Variants in ASTN2 observed in about 807,000 individuals in gnomAD.
The protein encoded by ASTN2 is astrotactin-2.
A neutral mutation model predicts 139.8 loss-of-function variants in ASTN2; 54 were observed. The observed-to-expected ratio is 0.39, with a 90% CI of 0.31 to 0.48. The LOEUF (loss-of-function observed/expected upper bound fraction) is 0.48, where lower values mean the gene tolerates loss of function less well. Among genes scored for constraint, ASTN2 ranks in the 20% least tolerant of loss-of-function variants. The pLI, the probability that ASTN2 is intolerant of heterozygous loss-of-function variation, is 0.95. For missense variants in ASTN2, 1,565 were observed against 1,725.1 expected (o/e 0.91, Z 1.64); for synonymous variants, 756 against 719.5 (o/e 1.05, Z -0.81).
rs35946741 is a variant in ASTN2, at chr9:116,649,572, C to CAA, written c.3072+1954_3072+1955dup. On this transcript the variant is annotated intron_variant, in intron 17 of 22. Transcript: ENST00000313400. ...CTGGGCAACAAGAACAAAACTGTCTCAAAAAAAAAAAAAAAAATCTTTAGG... is the reference window on the plus strand; with the variant it reads ...CTGGGCAACAAGAACAAAACTGTCTCAAAAAAAAAAAAAAAAAAATCTTTAGG... Among the ~76,000 whole-genome samples the CAA allele has an allele frequency of 3.9e-3, 535 of 137,566 alleles. 4 individuals carry two copies. The highest frequency in any genetic ancestry group is 0.019 in the East Asian group (89 of 4,642). The allele number at this position is 137,566 out of a possible 152,430, so 90.2% of individuals were successfully genotyped here. A position where few individuals can be genotyped will look rare whatever the true frequency, so the allele number is the denominator to read the frequency against.
At chr9:116,533,149 T>C (rs1256391768) in intron 19 of ASTN2, among the ~76,000 whole-genome samples, 1 of 152,234 alleles carries the variant, frequency 6.6e-6, no homozygotes, top group Non-Finnish European at 1.5e-5. Flanking sequence ...ACTTATGATT[T>C]GGCTCTCTGT....
intron 22 of ASTN2, chr9:116,437,715 T>C: frequency 2.5e-6 from 1 of 402,284 alleles, no homozygotes; most frequent in East Asian, 7.2e-5. Flanking sequence ...GCAGCTGAGA[T>C]GACTCACACA....
intron 19 of ASTN2, chr9:116,584,010 C>T (rs1178416329): frequency 6.6e-6 from 1 of 152,152 alleles, no homozygotes; most frequent in Non-Finnish European, 1.5e-5. Context: ...AAATTCAACC[C>T]ACCCAAATCT....
chr9:116,787,796 A>G (rs1434897934), intron 13 of ASTN2, among the ~76,000 whole-genome samples: 1 of 152,152 alleles, frequency 6.6e-6, no homozygotes, highest in Non-Finnish European at 1.5e-5. Context: ...GTATCAGAAA[A>G]AGGACATCAG....
intron 4 of ASTN2, among the ~76,000 whole-genome samples, chr9:117,114,994 G>T (rs1231170773): frequency 6.6e-6 from 1 of 152,096 alleles, no homozygotes; most frequent in Non-Finnish European, 1.5e-5. Flanking sequence ...AGCCCCACCT[G>T]GTGTTTGGCT....
intron 2 of ASTN2, among the ~76,000 whole-genome samples, chr9:117,246,430 A>G (rs1024833451): frequency 2.0e-5 from 3 of 152,192 alleles, no homozygotes; most frequent in Non-Finnish European, 2.9e-5. Context: ...AGGAGAAGCC[A>G]TGCAACTCCG....
At chr9:116,789,251 G>C (rs1373570822) in intron 13 of ASTN2, among the ~76,000 whole-genome samples, 2 of 152,124 alleles carry the variant, frequency 1.3e-5, no homozygotes, top group East Asian at 3.9e-4. Flanking sequence ...AGGTCACTGG[G>C]AACTCAGTAA....
At chr9:116,935,217 G>T (rs1835034471) in intron 10 of ASTN2, among the ~76,000 whole-genome samples, 1 of 152,188 alleles carries the variant, frequency 6.6e-6, no homozygotes, top group South Asian at 2.1e-4. Flanking sequence ...TCCATCTCAT[G>T]GTTCAATACA....
chr9:116,730,749 G>A (rs1325601008), intron 14 of ASTN2, among the ~76,000 whole-genome samples: 1 of 152,184 alleles, frequency 6.6e-6, no homozygotes, highest in Non-Finnish European at 1.5e-5. Flanking sequence ...CTGTTGAGAG[G>A]CAGCTCTTTC....
Position 116,780,831 on chromosome 9 carries a change from G to GAATGTCAAA in ASTN2, c.2396+24792_2396+24800dup, listed in dbSNP as rs577806838. Among the ~76,000 whole-genome samples the GAATGTCAAA allele has an allele frequency of 5.0e-4, 68 of 135,454 alleles. No homozygotes were observed. In the South Asian group the frequency reaches 0.012, roughly 23 times the overall value. The allele number at this position is 135,454 out of a possible 152,430, so 88.9% of individuals were successfully genotyped here. On this transcript the variant is annotated intron_variant, in intron 13 of 22. Coordinates refer to ENST00000313400, the MANE Select transcript of ASTN2 (RefSeq NM_001365068.1). Reference sequence around the variant, plus strand: ...TACATGAATGAGTGAATGAATGAATGAATGTCAAATTCTTTTTTTTTTTTT... The same window carrying GAATGTCAAA: ...TACATGAATGAGTGAATGAATGAATGAATGTCAAAAATGTCAAATTCTTTTTTTTTTTTT...
At chr9:116,811,842 T>C (rs985842086) in intron 12 of ASTN2, among the ~76,000 whole-genome samples, 6 of 152,200 alleles carry the variant, frequency 3.9e-5, no homozygotes, top group African/African-American at 7.2e-5. Flanking sequence ...TTTATTTCTA[T>C]TGGTTCTCAT....
intron 17 of ASTN2, among the ~76,000 whole-genome samples, chr9:116,632,966 C>T (rs757945553): frequency 1.1e-4 from 16 of 152,148 alleles, no homozygotes; most frequent in South Asian, 2.1e-4. Context: ...GTTGTATGAA[C>T]GCCTGTTGTA....
chr9:116,839,542 C>G (rs373039489), intron 11 of ASTN2, among the ~76,000 whole-genome samples: 1 of 151,884 alleles, frequency 6.6e-6, no homozygotes, highest in African/African-American at 2.4e-5. Context: ...TGCAGTGGCA[C>G]GATCTTGGCT....
intron 12 of ASTN2, among the ~76,000 whole-genome samples, chr9:116,819,435 C>T (rs968485742): frequency 4.6e-5 from 7 of 152,148 alleles, no homozygotes; most frequent in Non-Finnish European, 8.8e-5. Context: ...GCTGCTTCTA[C>T]ACCTGCACAA....
At chr9:116,658,088 TTTTTTGTTTTG>T (rs1000540116) in intron 16 of ASTN2, among the ~76,000 whole-genome samples, 3 of 151,688 alleles carry the variant, frequency 2.0e-5, no homozygotes, top group Non-Finnish European at 2.9e-5. Flanking sequence ...AGGAAGTTTG[TTTTTTGTTTTG>T]TTTTTGTTTT....
chr9:116,966,362 T>G (rs1476712130), intron 10 of ASTN2, among the ~76,000 whole-genome samples: 2 of 152,164 alleles, frequency 1.3e-5, no homozygotes, highest in Non-Finnish European at 2.9e-5. Flanking sequence ...TATTCCAAAG[T>G]CTCCATTTCA....
intron 19 of ASTN2, among the ~76,000 whole-genome samples, chr9:116,594,243 C>A (rs1854481436): frequency 6.6e-6 from 1 of 152,154 alleles, no homozygotes; most frequent in Non-Finnish European, 1.5e-5. Flanking sequence ...CCTTCTGGGT[C>A]CTGTTCATGA....
chr9:116,993,659 C>T (rs954675746), intron 7 of ASTN2, among the ~76,000 whole-genome samples: 1 of 147,384 alleles, frequency 6.8e-6, no homozygotes, highest in Non-Finnish European at 1.5e-5. Flanking sequence ...TACTATATTT[C>T]ATATATAGTA....
chr9:116,946,621 C>T lies in ASTN2; in HGVS notation c.1889+28587G>A, dbSNP rs1211988560. ...CAGGGAAGGAGAAAAATCCAATGAG[C>T]ATGCTGGTGTGTGAGGGGTTGAAGG... On this transcript the variant is annotated intron_variant, in intron 10 of 22. Transcript: ENST00000313400. Among the ~76,000 whole-genome samples, 4 of 152,022 alleles carry T rather than the reference C, an allele frequency of 2.6e-5. No homozygotes were observed. The East Asian group carries it at 7.7e-4, about 29-fold the overall frequency.
Sources: allele counts gnomAD v4.1 joint callset (sites outside exome capture counted in the v4.1 genomes callset), GRCh38; gene constraint gnomAD v4.1.1; transcripts MANE v1.5; gene names NCBI Gene and HGNC (gene_info 2026-07-23, HGNC 2026-07-21).